The following PCDHGA9 variants were observed in gnomAD, a reference collection of about 807,000 sequenced individuals.
The protein encoded by PCDHGA9 is protocadherin gamma subfamily A, 9, also known as protocadherin gamma-A9.
PCDHGA9 carries 37 observed loss-of-function variants against 62.5 expected under a neutral mutation model. That is an observed-to-expected ratio of 0.59 (90% CI 0.46 to 0.78). PCDHGA9 has a LOEUF of 0.78. PCDHGA9 is among the 30% of genes least tolerant of loss of function. The pLI, the probability that PCDHGA9 is intolerant of heterozygous loss-of-function variation, is 0.00. For missense variants in PCDHGA9, 1,138 were observed against 1,166.2 expected, an observed-to-expected ratio of 0.98 and a Z score of 0.35; for synonymous variants, 459 against 484.6, an observed-to-expected ratio of 0.95 and a Z score of 0.69.
chr5:141,409,541 G>C lies in PCDHGA9; in HGVS notation c.2424+4165G>C, dbSNP rs1485327824. ...CACCTTGTATGTCGCTGACATCAAC[G>C]ACAACGCCCCAGTTTTCGACCAGAC... On this transcript the variant is annotated intron_variant, in intron 1 of 3. Coordinates refer to ENST00000573521, the MANE Select transcript of PCDHGA9 (RefSeq NM_018921.3). 16 of 1,613,852 alleles carry C rather than the reference G, an allele frequency of 9.9e-6. No homozygotes were observed. Among genetic ancestry groups the C allele is most frequent in the Admixed American group, 1.7e-5 (1 of 60,016 alleles).
intron 1 of PCDHGA9, chr5:141,410,485 A>C (rs1277289074): frequency 6.2e-7 from 1 of 1,613,898 alleles, no homozygotes; most frequent in Admixed American, 1.7e-5. Context: ...ATACGGGTAC[A>C]AAAGAGTTTA....
Position 141,476,645 on chromosome 5 carries a change from A to C in PCDHGA9, c.2425-18162A>C. 1 of 1,614,246 alleles carries C rather than the reference A, an allele frequency of 6.2e-7. No homozygotes were observed. The highest frequency in any genetic ancestry group is 8.5e-7 in the Non-Finnish European group (1 of 1,180,052). On this transcript the variant is annotated intron_variant, in intron 1 of 3. Coordinates refer to ENST00000573521, the MANE Select transcript of PCDHGA9 (RefSeq NM_018921.3). The surrounding 1 kb of genome is among the most constrained non-coding windows in gnomAD (Gnocchi z 7.6). ...TTTACAAACCTATGAGCTGAGCCGA[A>C]ATGAATACTTTGCGCTTCGCGTGCA...
At chr5:141,499,061 G>A (rs1300036203) in intron 2 of PCDHGA9, among the ~76,000 whole-genome samples, 1 of 151,914 alleles carries the variant, frequency 6.6e-6, no homozygotes, top group African/African-American at 2.4e-5. Flanking sequence ...AAATGAAGAA[G>A]ACTTACATTC....
intron 1 of PCDHGA9, chr5:141,420,380 C>T (rs1343046478): frequency 7.7e-7 from 1 of 1,306,574 alleles, no homozygotes; most frequent in Non-Finnish European, 1.0e-6. Flanking sequence ...TCATAGAGTT[C>T]GCAAAATATA....
chr5:141,503,654 G>C (rs1248501987), intron 2 of PCDHGA9, among the ~76,000 whole-genome samples: 1 of 150,388 alleles, frequency 6.6e-6, no homozygotes, highest in Non-Finnish European at 1.5e-5. Flanking sequence ...AATGGAAACA[G>C]AATTACAACT....
intron 1 of PCDHGA9, among the ~76,000 whole-genome samples, chr5:141,482,412 T>C (rs2099559037): frequency 6.6e-6 from 1 of 151,636 alleles, no homozygotes; most frequent in Non-Finnish European, 1.5e-5. Context: ...TAACTATTTG[T>C]TGAACTAAAA....
At chr5:141,503,284 G>C (rs899456087) in intron 2 of PCDHGA9, among the ~76,000 whole-genome samples, 2 of 152,044 alleles carry the variant, frequency 1.3e-5, no homozygotes, top group African/African-American at 4.8e-5. Flanking sequence ...TCTGTGTCTG[G>C]TACATAGAAA....
chr5:141,446,230 G>A (rs548647406), intron 1 of PCDHGA9, among the ~76,000 whole-genome samples: 22 of 152,208 alleles, frequency 1.4e-4, no homozygotes, highest in African/African-American at 4.6e-4. Context: ...GTGTTGCCTG[G>A]CAAGTGGTAG....
chr5:141,498,509 C>T (rs2099784058), intron 2 of PCDHGA9, among the ~76,000 whole-genome samples: 1 of 151,740 alleles, frequency 6.6e-6, no homozygotes, highest in East Asian at 1.9e-4. Flanking sequence ...TCCCTCCCCA[C>T]CATCTTGCCC....
In PCDHGA9 at chr5:141,489,461, A is replaced by G. The variant is rs1329676538; in HGVS notation, c.2425-5346A>G. 5.0e-6 allele frequency: 8 copies of G among 1,613,832 alleles called. No homozygotes were observed. The highest frequency in any genetic ancestry group is 6.8e-6 in the Non-Finnish European group (8 of 1,179,986). On this transcript the variant is annotated intron_variant, in intron 1 of 3. Transcript: ENST00000573521. This position sits in a 1 kb window ranked among gnomAD's most constrained non-coding sequence, Gnocchi z 4.5. ...TTGGGCTCTGAGGAGAATGGGCGCT[A>G]TTTTTCCCTGAGCTTGATGAGTGGT...
Position 141,404,399 on chromosome 5 carries a change from G to A in PCDHGA9, c.1447G>A (p.Glu483Lys). The stretch of plus-strand genomic sequence containing the variant: ...GATTGCCTATGACCCTGATAGCAAT[G>A]AGAATTCTAGAGTTATTTACTCCTT... ...SVIAYDPDSN[E>K]NSRVIYSLAE... Residue 483 changes from glutamate to lysine, a missense_variant, in exon 1 of 4, where the codon GAG (glutamate) becomes AAG (lysine). By Grantham distance (56) the Glu-to-Lys change is moderately conservative (BLOSUM62 1). Coordinates refer to ENST00000573521, the MANE Select transcript of PCDHGA9 (RefSeq NM_018921.3). 1.2e-6 allele frequency: 2 copies of A among 1,613,896 alleles called. No homozygotes were observed. The highest frequency in any genetic ancestry group is 1.7e-6 in the Non-Finnish European group (2 of 1,179,864).
chr5:141,430,761 T>G, intron 1 of PCDHGA9: 5 of 1,506,132 alleles, frequency 3.3e-6, no homozygotes, highest in Non-Finnish European at 3.5e-6. Context: ...AAGATAAGAA[T>G]GATTCCTGCG....
At chr5:141,418,337 C>G (rs1308299122) in intron 1 of PCDHGA9, 1 of 1,613,972 alleles carries the variant, frequency 6.2e-7, no homozygotes, top group East Asian at 2.2e-5. Context: ...TGCAGAAGAT[C>G]CTGATATTAG....
intron 1 of PCDHGA9, among the ~76,000 whole-genome samples, chr5:141,455,146 A>G (rs2098814943): frequency 6.7e-6 from 1 of 149,242 alleles, no homozygotes; most frequent in South Asian, 2.1e-4. Flanking sequence ...TGTTAAATAA[A>G]TATTAGTTTG....
intron 1 of PCDHGA9, chr5:141,478,553 T>G (rs1593930915): frequency 6.2e-7 from 1 of 1,602,704 alleles, no homozygotes; most frequent in Non-Finnish European, 8.5e-7. Context: ...ACAGGTAAGG[T>G]TTAGCAAGTC....
At chr5:141,473,470 A>G (rs555568617) in intron 1 of PCDHGA9, among the ~76,000 whole-genome samples, 2 of 151,816 alleles carry the variant, frequency 1.3e-5, no homozygotes, top group South Asian at 4.2e-4. Flanking sequence ...AGTTGTGCCA[A>G]GTTCAATGGA....
chr5:141,486,444 T>G lies in PCDHGA9; in HGVS notation c.2425-8363T>G. 1 of 1,614,086 alleles carries G rather than the reference T, an allele frequency of 6.2e-7. No homozygotes were observed. Among genetic ancestry groups the G allele is most frequent in the Non-Finnish European group, 8.5e-7 (1 of 1,179,930 alleles). ...GAGGCCAAATCTAGCTATGACATCA[T>G]GGTCACTGCTTCTGATGCTGGGAAC... On this transcript the variant is annotated intron_variant, in intron 1 of 3. Coordinates refer to ENST00000573521, the MANE Select transcript of PCDHGA9 (RefSeq NM_018921.3). The surrounding 1 kb of genome is among the most constrained non-coding windows in gnomAD (Gnocchi z 5.0).
intron 1 of PCDHGA9, among the ~76,000 whole-genome samples, chr5:141,483,575 A>G (rs1165739266): frequency 6.6e-6 from 1 of 152,194 alleles, no homozygotes; most frequent in Non-Finnish European, 1.5e-5. Flanking sequence ...GAATTCTGGC[A>G]TAAACACCTA....
chr5:141,508,409 G>T (rs143032030), intron 3 of PCDHGA9: 4 of 152,276 alleles, frequency 2.6e-5, no homozygotes, highest in South Asian at 2.1e-4. Context: ...CTTGAGCCAC[G>T]CAGAGACTTG....
Sources: allele counts gnomAD v4.1 joint callset (sites outside exome capture counted in the v4.1 genomes callset), GRCh38; gene constraint gnomAD v4.1.1; non-coding constraint Gnocchi (gnomAD v3.1); transcripts MANE v1.5; gene names NCBI Gene and HGNC (gene_info 2026-07-23, HGNC 2026-07-21).